Variants in GSE1 observed in about 807,000 individuals in gnomAD.
GSE1 encodes the protein Gse1 coiled-coil protein.
A neutral mutation model predicts 112.6 loss-of-function variants in GSE1; 32 were observed. The observed-to-expected ratio is 0.28, with a 90% CI of 0.21 to 0.38. GSE1 has a LOEUF of 0.38. Ranked by LOEUF, GSE1 falls within the 10% of genes least tolerant of loss-of-function variation. The pLI is 1.00. For missense variants in GSE1, 2,348 were observed against 1,699.2 expected, an observed-to-expected ratio of 1.38 and a Z score of -6.71; for synonymous variants, 1,115 against 735.6, an observed-to-expected ratio of 1.52 and a Z score of -8.35.
chr16:85,326,694 C>T lies in GSE1; in HGVS notation c.2284-30769C>T, dbSNP rs181378354. Among the ~76,000 whole-genome samples the T allele has an allele frequency of 1.1e-3, 175 of 152,332 alleles. 1 individual carries two copies. The highest frequency in any genetic ancestry group is 4.1e-3 in the African/African-American group (170 of 41,564). On this transcript the variant is annotated intron_variant, in intron 1 of 2. Coordinates refer to the GSE1 transcript ENST00000637419. ...CTTTTCTTTATCAATTCCTCAGTCT[C>T]GGATATTTCGCCATAGCAGCGTGAG...
chr16:85,442,440 G>GAAT lies in GSE1; in HGVS notation c.2464+84797_2464+84798insAAT, dbSNP rs1425965936. Among the ~76,000 whole-genome samples, 100 of 121,350 alleles carry GAAT rather than the reference G, an allele frequency of 8.2e-4. No individual in the cohort carries two copies. In the East Asian group the frequency reaches 9.7e-3, roughly 12 times the overall value. 79.6% of individuals were successfully genotyped at this position (121,350 alleles called of 152,430 possible). A position where few individuals can be genotyped will look rare whatever the true frequency, so the allele number is the denominator to read the frequency against. ...GTGGACAAATGTTTATTGAATGAATGGATGAATGAATGAATGAATGAATGA... is the reference window on the plus strand; with the variant it reads ...GTGGACAAATGTTTATTGAATGAATGAATGATGAATGAATGAATGAATGAATGA... On this transcript the variant is annotated intron_variant, in intron 2 of 2. Transcript: ENST00000637419.
intron 1 of GSE1, among the ~76,000 whole-genome samples, chr16:85,337,145 C>T (rs539548284): frequency 1.3e-5 from 2 of 152,330 alleles, no homozygotes; most frequent in African/African-American, 4.8e-5. Flanking sequence ...TCTCACCCGC[C>T]ACTGTGTCCC....
At chr16:85,433,609 TGGATGGATGGATGGATGGA>T (rs746647451) in intron 2 of GSE1, among the ~76,000 whole-genome samples, 2 of 93,730 alleles carry the variant, frequency 2.1e-5, no homozygotes, top group Non-Finnish European at 4.2e-5. Flanking sequence ...GATGGATGGA[TGGATGGATGGATGGATGGA>T]TGGAGAGATG....
At chr16:85,605,801 G>A (rs74031881) in intron 1 of GSE1, among the ~76,000 whole-genome samples, 13,402 of 151,920 alleles carry the variant, frequency 0.088, 1,945 homozygotes, top group African/African-American at 0.29. Flanking sequence ...GTAGCGAGCC[G>A]GATAAACTGA....
intron 2 of GSE1, among the ~76,000 whole-genome samples, chr16:85,417,508 C>G (rs970608673): frequency 2.0e-5 from 3 of 152,218 alleles, no homozygotes; most frequent in Middle Eastern, 3.2e-3. Context: ...TTAGAAGGGC[C>G]GCCCAGGTGT....
chr16:85,520,864 G>A (rs1220811163), intron 2 of GSE1, among the ~76,000 whole-genome samples: 1 of 152,208 alleles, frequency 6.6e-6, no homozygotes, highest in Non-Finnish European at 1.5e-5. Flanking sequence ...GAGAAACAGG[G>A]CAGCGTCCTA....
chr16:85,346,815 TGGTG>T (rs1284786860), intron 1 of GSE1, among the ~76,000 whole-genome samples: 1 of 146,168 alleles, frequency 6.8e-6, no homozygotes, highest in Admixed American at 6.8e-5. Context: ...GAGTGGTAGA[TGGTG>T]GATGGATGGA....
chr16:85,458,739 G>GTTT (rs1436621063), intron 2 of GSE1, among the ~76,000 whole-genome samples: 8,568 of 152,204 alleles, frequency 0.056, 820 homozygotes, highest in African/African-American at 0.2. Flanking sequence ...GCAGAGCAAG[G>GTTT]CTGTGTCCTC....
intron 2 of GSE1, among the ~76,000 whole-genome samples, chr16:85,400,696 T>C (rs12446331): frequency 0.92 from 138,170 of 150,332 alleles, 64,266 homozygotes; most frequent in Non-Finnish European, 1. Context: ...TTTGTGTGTT[T>C]GTATGTGTTG....
rs142778845 is a variant in GSE1 at position 85,477,453 on chromosome 16, G to A, written c.2464+119810G>A. Among the ~76,000 whole-genome samples the A allele has an allele frequency of 2.9e-3, 444 of 151,878 alleles. 3 individuals carry two copies. Among genetic ancestry groups the A allele is most frequent in the African/African-American group, 0.01 (421 of 41,408 alleles). On this transcript the variant is annotated intron_variant, in intron 2 of 2. Transcript: ENST00000637419. ...AGTCAAACATGCCCACAGCCAGCTG[G>A]GTCTGCTCGGCACCCCTCACCTCCT...
chr16:85,495,015 C>T (rs1277089255), intron 2 of GSE1, among the ~76,000 whole-genome samples: 9 of 152,176 alleles, frequency 5.9e-5, no homozygotes, highest in South Asian at 2.1e-4. Context: ...CTGCTGGGTC[C>T]GGCCCGGCCC....
At chr16:85,501,740 C>G (rs1388387340) in intron 2 of GSE1, among the ~76,000 whole-genome samples, 1 of 152,174 alleles carries the variant, frequency 6.6e-6, no homozygotes, top group African/African-American at 2.4e-5. Flanking sequence ...CCCACAACAC[C>G]CCCTTTTGGG....
intron 2 of GSE1, among the ~76,000 whole-genome samples, chr16:85,450,782 C>T (rs62050400): frequency 0.24 from 36,665 of 150,218 alleles, 4,686 homozygotes; most frequent in African/African-American, 0.33. Flanking sequence ...CAGGTTTGGC[C>T]GGGCACGGTG....
chr16:85,673,909 G>GCTTTGTAAA lies in GSE1; in HGVS notation c.*1371_*1379dup, dbSNP rs371739229. 283 of 152,366 alleles carry GCTTTGTAAA rather than the reference G, an allele frequency of 1.9e-3. 1 individual carries two copies. The highest frequency in any genetic ancestry group is 6.4e-3 in the African/African-American group (265 of 41,576). The allele number at this position is 152,366 out of a possible 1,614,324, so 9.4% of individuals were successfully genotyped here. ...TTCAGAGGCTTTGTTTAAACGCAAA[G>GCTTTGTAAA]CTTTGTAAAAGCCACAAGGTCTGAG... On this transcript the variant is annotated 3_prime_UTR_variant, in exon 16 of 16. Coordinates refer to ENST00000253458, the MANE Select transcript of GSE1 (RefSeq NM_014615.5).
chr16:85,461,722 G>A (rs1303624902), intron 2 of GSE1, among the ~76,000 whole-genome samples: 1 of 152,068 alleles, frequency 6.6e-6, no homozygotes, highest in East Asian at 1.9e-4. Flanking sequence ...CATAATCCCC[G>A]TGCTGCGTGA....
intron 1 of GSE1, among the ~76,000 whole-genome samples, chr16:85,181,971 G>A (rs75711946): frequency 0.017 from 2,554 of 152,294 alleles, 53 homozygotes; most frequent in Middle Eastern, 0.031. Flanking sequence ...ACCGTCTCAC[G>A]GCTGTACACT....
chr16:85,233,089 C>T (rs1343732929), intron 1 of GSE1, among the ~76,000 whole-genome samples: 1 of 152,208 alleles, frequency 6.6e-6, no homozygotes, highest in Admixed American at 6.5e-5. Context: ...TCCAAACAGG[C>T]CCCCCAGCTG....
At chr16:85,226,799 G>A (rs1020976128) in intron 1 of GSE1, among the ~76,000 whole-genome samples, 1 of 146,608 alleles carries the variant, frequency 6.8e-6, no homozygotes, top group Admixed American at 6.7e-5. Context: ...GTGTGTGTGT[G>A]TGTGTGTGTG....
At chr16:85,265,256 G>T (rs1361516612) in intron 1 of GSE1, among the ~76,000 whole-genome samples, 1 of 152,138 alleles carries the variant, frequency 6.6e-6, no homozygotes, top group African/African-American at 2.4e-5. Context: ...GTTTGCAAAG[G>T]GAGAGCTTGT....
Sources: gnomAD v4.1 joint callset for allele counts (sites outside exome capture counted in the v4.1 genomes callset) on GRCh38, gnomAD v4.1.1 for gene constraint, MANE v1.5 for transcripts, NCBI Gene and HGNC (gene_info 2026-07-23, HGNC 2026-07-21) for gene names.